Variants in DAB1 observed in about 807,000 individuals in gnomAD.
DAB1 encodes the protein DAB adaptor protein 1, also known as disabled homolog 1.
A neutral mutation model predicts 64.6 loss-of-function variants in DAB1; 15 were observed. The observed-to-expected ratio is 0.23, with a 90% CI of 0.16 to 0.36. DAB1 has a LOEUF of 0.36. Among genes scored for constraint, DAB1 ranks in the 10% least tolerant of loss-of-function variants. The pLI is 1.00. For synonymous variants in DAB1, 235 were observed against 251.9 expected (o/e 0.93, Z 0.64); for missense variants, 596 against 706.7 (o/e 0.84, Z 1.78).
intron 4 of DAB1, among the ~76,000 whole-genome samples, chr1:58,210,816 C>T (rs899843634): frequency 6.6e-6 from 1 of 151,994 alleles, no homozygotes; most frequent in South Asian, 2.1e-4. Flanking sequence ...TGACTCATGA[C>T]CAAGTACTTA....
intron 6 of DAB1, among the ~76,000 whole-genome samples, chr1:57,789,662 C>T (rs1650502396): frequency 6.6e-6 from 1 of 152,216 alleles, no homozygotes; most frequent in African/African-American, 2.4e-5. Flanking sequence ...CTCCTAAAGG[C>T]CCCATCTCCA....
At chr1:58,138,332 C>T (rs1246103771) in intron 5 of DAB1, among the ~76,000 whole-genome samples, 5 of 152,170 alleles carry the variant, frequency 3.3e-5, no homozygotes, top group African/African-American at 9.7e-5. Context: ...AATAAGCTGA[C>T]TCCCCAAACA....
intron 6 of DAB1, among the ~76,000 whole-genome samples, chr1:57,781,126 C>CTCTCTCTCTCTATA (rs1557477160): frequency 3.6e-5 from 1 of 27,714 alleles, no homozygotes; most frequent in Non-Finnish European, 6.4e-5. Flanking sequence ...CTCTCTCTCT[C>CTCTCTCTCTCTATA]TATATATATA....
At chr1:58,533,261 G>T (rs1646464687) in intron 1 of DAB1, among the ~76,000 whole-genome samples, 1 of 152,212 alleles carries the variant, frequency 6.6e-6, no homozygotes, top group African/African-American at 2.4e-5. Context: ...CCAGGTAACT[G>T]TAGTGAAAGG....
intron 2 of DAB1, among the ~76,000 whole-genome samples, chr1:57,222,564 AG>A (rs149838632): frequency 0.044 from 6,636 of 152,192 alleles, 264 homozygotes; most frequent in African/African-American, 0.1. Context: ...CAGCATGCTT[AG>A]GGAGAAATGG....
At chr1:58,316,964 G>A (rs2100480278) in intron 4 of DAB1, among the ~76,000 whole-genome samples, 1 of 152,286 alleles carries the variant, frequency 6.6e-6, no homozygotes, top group Non-Finnish European at 1.5e-5. Flanking sequence ...AGTACATTCT[G>A]AGAATTATCT....
intron 2 of DAB1, among the ~76,000 whole-genome samples, chr1:57,167,628 T>C (rs550964467): frequency 6.6e-6 from 1 of 152,190 alleles, no homozygotes; most frequent in Admixed American, 6.5e-5. Context: ...CACATCTGAA[T>C]GTTTTACAAC....
chr1:58,124,262 C>G (rs553238631), intron 5 of DAB1, among the ~76,000 whole-genome samples: 3 of 151,908 alleles, frequency 2.0e-5, no homozygotes, highest in African/African-American at 7.2e-5. Context: ...CTCATAAACT[C>G]AAACAAAGAT....
chr1:57,988,839 A>G (rs1355650079), intron 5 of DAB1, among the ~76,000 whole-genome samples: 2 of 152,156 alleles, frequency 1.3e-5, no homozygotes, highest in African/African-American at 2.4e-5. Flanking sequence ...CTATTTTCAA[A>G]TCAGCAGGCA....
intron 6 of DAB1, among the ~76,000 whole-genome samples, chr1:57,775,208 A>G (rs906743682): frequency 6.6e-6 from 1 of 151,390 alleles, no homozygotes; most frequent in South Asian, 2.1e-4. Context: ...ACCTTTTCCA[A>G]GAACCAATTT....
chr1:58,213,358 A>G (rs778805898), intron 4 of DAB1, among the ~76,000 whole-genome samples: 14 of 152,264 alleles, frequency 9.2e-5, no homozygotes, highest in Middle Eastern at 6.8e-3. Context: ...TAATAAAGAC[A>G]TACCCGAGAC....
At chr1:57,789,792 T>C (rs1650508069) in intron 6 of DAB1, among the ~76,000 whole-genome samples, 1 of 152,172 alleles carries the variant, frequency 6.6e-6, no homozygotes, top group Non-Finnish European at 1.5e-5. Flanking sequence ...GATGAGTAAT[T>C]ATCTGTGGTT....
chr1:57,462,466 A>C (rs532164093), intron 7 of DAB1, among the ~76,000 whole-genome samples: 2 of 152,230 alleles, frequency 1.3e-5, no homozygotes, highest in Non-Finnish European at 2.9e-5. Flanking sequence ...AATGAAGTGC[A>C]TAAAACACAG....
At chr1:58,128,372 G>C (rs922149266) in intron 5 of DAB1, among the ~76,000 whole-genome samples, 12 of 144,772 alleles carry the variant, frequency 8.3e-5, no homozygotes, top group South Asian at 2.4e-4. Context: ...GAGACAATGG[G>C]GTTTTCTAGA....
chr1:58,512,706 G>T (rs1324538061), intron 2 of DAB1, among the ~76,000 whole-genome samples: 1 of 152,150 alleles, frequency 6.6e-6, no homozygotes, highest in Non-Finnish European at 1.5e-5. Context: ...TAGCAAGCTT[G>T]TAGAAGTAGA....
intron 4 of DAB1, among the ~76,000 whole-genome samples, chr1:58,250,064 C>G (rs530828428): frequency 2.6e-4 from 39 of 152,264 alleles, no homozygotes; most frequent in African/African-American, 9.4e-4. Context: ...CTCGCGGCCG[C>G]GAGAGCTCGG....
chr1:58,049,435 C>T (rs1030889388), intron 5 of DAB1: 5 of 367,672 alleles, frequency 1.4e-5, no homozygotes, highest in African/African-American at 4.1e-5. Context: ...ATTCAGCAAC[C>T]ACATTGAAAG....
At chr1:58,004,317 G>C (rs1459280748) in intron 5 of DAB1, among the ~76,000 whole-genome samples, 1 of 152,180 alleles carries the variant, frequency 6.6e-6, no homozygotes, top group East Asian at 1.9e-4. Flanking sequence ...CAGCTAGTTG[G>C]TGGCAGAGCT....
At chr1:58,377,251 G>A (rs1329688371) in intron 3 of DAB1, among the ~76,000 whole-genome samples, 2 of 148,366 alleles carry the variant, frequency 1.3e-5, no homozygotes, top group East Asian at 2.0e-4. Flanking sequence ...TTGCTCGTTA[G>A]TTGATGCAGT....
Sources: gnomAD v4.1 joint callset for allele counts (sites outside exome capture counted in the v4.1 genomes callset) on GRCh38, gnomAD v4.1.1 for gene constraint, MANE v1.5 for transcripts, NCBI Gene and HGNC (gene_info 2026-07-23, HGNC 2026-07-21) for gene names.